MLKL: variants seen among roughly 807,000 people sequenced by gnomAD.
The protein encoded by MLKL is mixed lineage kinase domain-like protein.
A neutral mutation model predicts 56.5 loss-of-function variants in MLKL; 55 were observed. The ratio of observed to expected loss-of-function variants is 0.97; its 90% CI spans 0.78 to 1.22. MLKL has a LOEUF of 1.22. Among genes scored for constraint, MLKL ranks in the 50% most tolerant of loss-of-function variants. The pLI is 0.00. For synonymous variants in MLKL, 251 were observed against 208.3 expected (o/e 1.20, Z -1.76); for missense variants, 694 against 573.9 (o/e 1.21, Z -2.14).
In MLKL at chr16:74,682,690, C is replaced by G. The variant is rs201073938; in HGVS notation, c.917G>C (p.Arg306Pro). Residue 306 changes from arginine (R) to proline (P), a missense_variant, in exon 6 of 11, where the codon CGC becomes CCC. Transcript: ENST00000308807. ...DREKDLTLGK[R>P]MVLVLGAARG... ...GGCTGCCCCCAGGACTAGGACCATGCGCTTGCCAAGTGTGAGGTCTTTTTC... is the reference window on the plus strand; with the variant it reads ...GGCTGCCCCCAGGACTAGGACCATGGGCTTGCCAAGTGTGAGGTCTTTTTC... 2.5e-6 allele frequency: 4 copies of G among 1,614,118 alleles called. No homozygotes were observed. The highest frequency in any genetic ancestry group is 3.4e-6 in the Non-Finnish European group (4 of 1,180,014).
intron 4 of MLKL, among the ~76,000 whole-genome samples, chr16:74,686,934 T>C (rs754206186): frequency 6.6e-5 from 10 of 152,242 alleles, no homozygotes; most frequent in Non-Finnish European, 1.2e-4. Flanking sequence ...AGTCTCACCC[T>C]GAAAATTTTG....
rs1326383885 is a variant in MLKL at position 74,672,576 on chromosome 16, C to G, written c.1382-38G>C. 4.4e-6 allele frequency: 7 copies of G among 1,585,778 alleles called. No homozygotes were observed. The East Asian group carries it at 1.6e-4, about 35-fold the overall frequency. On this transcript the variant is annotated intron_variant, in intron 10 of 10. Coordinates refer to ENST00000308807, the MANE Select transcript of MLKL (RefSeq NM_152649.4). Reference sequence around the variant, plus strand: ...GAACAGAAAATTAGACCAGGGTAGGCAGCTGAGAGCCAAGTTAGAAACACA... The same window carrying G: ...GAACAGAAAATTAGACCAGGGTAGGGAGCTGAGAGCCAAGTTAGAAACACA...
At chr16:74,688,074 C>T (rs938185988) in intron 4 of MLKL, among the ~76,000 whole-genome samples, 1 of 152,148 alleles carries the variant, frequency 6.6e-6, no homozygotes, top group Non-Finnish European at 1.5e-5. Flanking sequence ...TCTGCCCGCC[C>T]TGGCCTCCCA....
chr16:74,680,082 C>A (rs371732736), intron 6 of MLKL, among the ~76,000 whole-genome samples: 5 of 152,200 alleles, frequency 3.3e-5, no homozygotes, highest in Non-Finnish European at 7.4e-5. Flanking sequence ...AGGGCAGGGA[C>A]AGATGGATAT....
intron 1 of MLKL, among the ~76,000 whole-genome samples, chr16:74,698,575 TGTGAG>T (rs1961194797): frequency 6.6e-6 from 1 of 152,174 alleles, no homozygotes; most frequent in Admixed American, 6.5e-5. Context: ...TCTTGGGAAT[TGTGAG>T]GGCAAAAGGT....
chr16:74,691,846 G>A (rs545930682), intron 3 of MLKL, among the ~76,000 whole-genome samples: 5 of 152,192 alleles, frequency 3.3e-5, no homozygotes, highest in African/African-American at 1.2e-4. Context: ...TAGTAGTTAG[G>A]GACATAGTTC....
At chr16:74,698,843 T>C (rs1192064614) in intron 1 of MLKL, among the ~76,000 whole-genome samples, 1 of 152,126 alleles carries the variant, frequency 6.6e-6, no homozygotes, top group Non-Finnish European at 1.5e-5. Context: ...AGCGGTCACA[T>C]TGGCTCATGC....
At chr16:74,687,199 C>T (rs1960384867) in intron 4 of MLKL, among the ~76,000 whole-genome samples, 1 of 152,294 alleles carries the variant, frequency 6.6e-6, no homozygotes, top group South Asian at 2.1e-4. Flanking sequence ...TAGTCTCGAA[C>T]TCCTGACCTC....
At chr16:74,682,121 G>C (rs1280840723) in intron 6 of MLKL, among the ~76,000 whole-genome samples, 2 of 151,774 alleles carry the variant, frequency 1.3e-5, no homozygotes, top group African/African-American at 4.8e-5. Context: ...TGAGTGTAGT[G>C]GTGTGCGCCT....
intron 1 of MLKL, among the ~76,000 whole-genome samples, chr16:74,697,908 T>C (rs904065350): frequency 6.6e-6 from 1 of 152,058 alleles, no homozygotes; most frequent in Non-Finnish European, 1.5e-5. Flanking sequence ...TTTCAAAGTA[T>C]TTAAAATAAA....
In MLKL at chr16:74,672,384, C is replaced by T. The variant is rs1042664639; in HGVS notation, c.*120G>A. The T allele has an allele frequency of 2.0e-5, 17 of 836,546 alleles. No homozygotes were observed. Among genetic ancestry groups the T allele is most frequent in the African/African-American group, 5.1e-5 (3 of 58,782 alleles). 51.8% of individuals were successfully genotyped at this position (836,546 alleles called of 1,614,324 possible). Reference sequence around the variant, plus strand: ...TCGTTTTCTATTTGTAACAGAGAAGCGTGCCCACTCCTTGCACCCATAGAT... The same window carrying T: ...TCGTTTTCTATTTGTAACAGAGAAGTGTGCCCACTCCTTGCACCCATAGAT... On this transcript the variant is annotated 3_prime_UTR_variant, in exon 11 of 11. Coordinates refer to ENST00000308807, the MANE Select transcript of MLKL (RefSeq NM_152649.4).
intron 2 of MLKL, among the ~76,000 whole-genome samples, chr16:74,693,895 G>A (rs761693512): frequency 1.6e-4 from 25 of 152,078 alleles, no homozygotes; most frequent in African/African-American, 5.3e-4. Flanking sequence ...GAGCCACCCC[G>A]CCTGGCCGAA....
At chr16:74,672,995 C>T (rs1179150308) in intron 10 of MLKL, among the ~76,000 whole-genome samples, 1 of 152,106 alleles carries the variant, frequency 6.6e-6, no homozygotes. Flanking sequence ...AGAAACTATG[C>T]CGTGACTTTG....
chr16:74,682,126 G>A lies in MLKL; in HGVS notation c.956+525C>T, dbSNP rs145605207. 2.0e-5 allele frequency among the ~76,000 whole-genome samples: 3 copies of A among 151,936 alleles called. No homozygotes were observed. The East Asian group carries it at 5.8e-4, about 29-fold the overall frequency. On this transcript the variant is annotated intron_variant, in intron 6 of 10. Transcript: ENST00000308807. ...AAAAACTGGCTGAGTGTAGTGGTGTGCGCCTGTAGTCCCAGCTTCTCAGGA... is the reference window on the plus strand; with the variant it reads ...AAAAACTGGCTGAGTGTAGTGGTGTACGCCTGTAGTCCCAGCTTCTCAGGA...
intron 7 of MLKL, 110 bp downstream of exon 7, chr16:74,678,781 CTAAATAAA>C: frequency 1.3e-6 from 1 of 763,562 alleles, no homozygotes; most frequent in South Asian, 1.7e-5. Flanking sequence ...GACTCTGTCT[CTAAATAAA>C]TAAATAAATA....
Position 74,695,401 on chromosome 16 carries a change from C to T in MLKL, c.357G>A (p.Glu119=). The T allele has an allele frequency of 6.2e-7, 1 of 1,614,242 alleles. No homozygotes were observed. The highest frequency in any genetic ancestry group is 1.1e-5 in the South Asian group (1 of 91,090). Residue 119 remains glutamate, a synonymous_variant, in exon 2 of 11, where the codon GAG becomes GAA. Coordinates refer to ENST00000308807, the MANE Select transcript of MLKL (RefSeq NM_152649.4). ...WKELSLLLQV[E]QRMPVSPISQ... The stretch of plus-strand genomic sequence containing the variant: ...TTATGGGTGAAACAGGCATGCGTTG[C>T]TCAACCTGAAGTAACAGCGAGAGCT...
At chr16:74,688,738 A>G (rs536671416) in intron 4 of MLKL, among the ~76,000 whole-genome samples, 1 of 152,232 alleles carries the variant, frequency 6.6e-6, no homozygotes, top group African/African-American at 2.4e-5. Context: ...AAAAACCCCC[A>G]AAACCTGTAC....
At chr16:74,676,500 G>C in intron 7 of MLKL, 3 of 980,438 alleles carry the variant, frequency 3.1e-6, no homozygotes, top group Non-Finnish European at 3.6e-6. Flanking sequence ...TCATTCATTT[G>C]CTCACACGTT....
chr16:74,687,058 C>T lies in MLKL; in HGVS notation c.723-1475G>A, dbSNP rs189507270. ...TGGCATGATCTCGGCTCACTGCAAC[C>T]TCTGCCTCCTGGGTTCAAGCAATTC... On this transcript the variant is annotated intron_variant, in intron 4 of 10. Coordinates refer to ENST00000308807, the MANE Select transcript of MLKL (RefSeq NM_152649.4). Among the ~76,000 whole-genome samples, 610 of 152,258 alleles carry T rather than the reference C, an allele frequency of 4.0e-3. 18 individuals are homozygous for T. The East Asian group carries it at 0.07, about 17-fold the overall frequency.
Sources: gnomAD v4.1 joint callset for allele counts (sites outside exome capture counted in the v4.1 genomes callset) on GRCh38, gnomAD v4.1.1 for gene constraint, MANE v1.5 for transcripts, NCBI Gene and HGNC (gene_info 2026-07-23, HGNC 2026-07-21) for gene names.